Variants in GAB2 observed in about 807,000 individuals in gnomAD.
GAB2 encodes GRB2-associated-binding protein 2.
GAB2 carries 26 observed loss-of-function variants against 65.5 expected under a neutral mutation model. The observed-to-expected ratio is 0.40, with a 90% CI of 0.29 to 0.55. The LOEUF is 0.55. Ranked by LOEUF, GAB2 falls within the 20% of genes least tolerant of loss-of-function variation. The pLI, the probability that GAB2 is intolerant of heterozygous loss-of-function variation, is 0.53. For synonymous variants in GAB2, 321 were observed against 329.6 expected, an observed-to-expected ratio of 0.97 and a Z score of 0.28; for missense variants, 884 against 875.8, an observed-to-expected ratio of 1.01 and a Z score of -0.12.
At chr11:78,373,636 G>A (rs1486158878) in intron 1 of GAB2, among the ~76,000 whole-genome samples, 4 of 152,212 alleles carry the variant, frequency 2.6e-5, no homozygotes, top group Admixed American at 1.3e-4. Context: ...GAATGGGCCC[G>A]GGACAAGGAA....
At chr11:78,416,041 T>A (rs1857191609) in intron 1 of GAB2, among the ~76,000 whole-genome samples, 1 of 152,126 alleles carries the variant, frequency 6.6e-6, no homozygotes, top group Non-Finnish European at 1.5e-5. Flanking sequence ...ACAAAGTTTT[T>A]AAATTATTTA....
chr11:78,318,216 G>C (rs1855650619), intron 1 of GAB2: 1 of 151,688 alleles, frequency 6.6e-6, no homozygotes, highest in African/African-American at 2.4e-5. Context: ...GATCAGGAGT[G>C]AATCTGGTGG....
intron 1 of GAB2, among the ~76,000 whole-genome samples, chr11:78,303,045 A>T (rs1316543053): frequency 6.6e-6 from 1 of 152,156 alleles, no homozygotes; most frequent in African/African-American, 2.4e-5. Context: ...GGGACTCGGG[A>T]AAGGGTGAGA....
chr11:78,317,717 CT>C (rs1855639188), intron 1 of GAB2, among the ~76,000 whole-genome samples: 1 of 152,114 alleles, frequency 6.6e-6, no homozygotes, highest in African/African-American at 2.4e-5. Flanking sequence ...TCCTTTCCTC[CT>C]GATGCAATCT....
Position 78,283,916 on chromosome 11 carries a change from C to A in GAB2, c.76-3015G>T, listed in dbSNP as rs957022328. On this transcript the variant is annotated intron_variant, in intron 1 of 9. Transcript: ENST00000361507. ...TTTTTTCTACACCCACTCTCTAGGT[C>A]ATTTTATTCAGTTTCACAGCTTTAA... 6.4e-4 allele frequency among the ~76,000 whole-genome samples: 97 copies of A among 151,756 alleles called. 1 individual carries two copies. The highest frequency in any genetic ancestry group is 3.9e-4 in the East Asian group (2 of 5,174).
intron 1 of GAB2, among the ~76,000 whole-genome samples, chr11:78,332,545 G>A (rs1855932781): frequency 6.6e-6 from 1 of 152,128 alleles, no homozygotes; most frequent in South Asian, 2.1e-4. Flanking sequence ...TGAGAGAAAC[G>A]GATCAGTAGT....
chr11:78,405,155 G>A (rs1038960242), intron 1 of GAB2, among the ~76,000 whole-genome samples: 2 of 142,766 alleles, frequency 1.4e-5, no homozygotes, highest in Non-Finnish European at 3.0e-5. Flanking sequence ...CTGGAATGCA[G>A]TGGCGCAATC....
chr11:78,227,878 A>T lies in GAB2; in HGVS notation c.621-827T>A, dbSNP rs182154648. Reference sequence around the variant, plus strand: ...CTAGATTTATTTTCTACCATGATTTATGGTTGGTTAAGAGGCATTTTGAGG... The same window carrying T: ...CTAGATTTATTTTCTACCATGATTTTTGGTTGGTTAAGAGGCATTTTGAGG... On this transcript the variant is annotated intron_variant, in intron 3 of 9. Coordinates refer to ENST00000361507, the MANE Select transcript of GAB2 (RefSeq NM_080491.3). Among the ~76,000 whole-genome samples, 648 of 152,278 alleles carry T rather than the reference A, an allele frequency of 4.3e-3. 3 individuals are homozygous for T. Among genetic ancestry groups the T allele is most frequent in the African/African-American group, 0.015 (627 of 41,540 alleles).
At chr11:78,378,393 T>C (rs373336124) in intron 1 of GAB2, among the ~76,000 whole-genome samples, 27 of 152,246 alleles carry the variant, frequency 1.8e-4, no homozygotes, top group African/African-American at 6.3e-4. Flanking sequence ...TACCATTACA[T>C]TTCTATTTCT....
At chr11:78,398,021 T>TGCACACACACACACACACACACACAC (rs1856923260) in intron 1 of GAB2, among the ~76,000 whole-genome samples, 1 of 112,480 alleles carries the variant, frequency 8.9e-6, no homozygotes, top group African/African-American at 3.1e-5. Flanking sequence ...TGTGAATAGC[T>TGCACACACACACACACACACACACAC]ACACACACAC....
chr11:78,320,725 C>CTT (rs72241707), intron 1 of GAB2, among the ~76,000 whole-genome samples: 1 of 102,468 alleles, frequency 9.8e-6, no homozygotes, highest in South Asian at 3.1e-4. Flanking sequence ...TAATTTTTGC[C>CTT]TTTTTTTTTT....
intron 1 of GAB2, among the ~76,000 whole-genome samples, chr11:78,295,342 C>A (rs1015873122): frequency 6.6e-6 from 1 of 152,104 alleles, no homozygotes; most frequent in African/African-American, 2.4e-5. Flanking sequence ...ACCATATGTC[C>A]GAACCAGTTT....
At chr11:78,299,782 T>C (rs1288926693) in intron 1 of GAB2, among the ~76,000 whole-genome samples, 1 of 152,228 alleles carries the variant, frequency 6.6e-6, no homozygotes. Flanking sequence ...TCCAGCTGCT[T>C]GAAGTATTGC....
At chr11:78,293,432 G>A (rs1747865173) in intron 1 of GAB2, among the ~76,000 whole-genome samples, 1 of 152,046 alleles carries the variant, frequency 6.6e-6, no homozygotes, top group Non-Finnish European at 1.5e-5. Flanking sequence ...ATGTTTATTT[G>A]CTTCTGTTTT....
rs142502443 is a variant in GAB2 at position 78,398,418 on chromosome 11, G to A, written c.75+19228C>T. The stretch of plus-strand genomic sequence containing the variant: ...ACACAGGTGTGGTACATTCACTTAC[G>A]TGATATTTATAAGACTTATGTACAT... On this transcript the variant is annotated intron_variant, in intron 1 of 9. Transcript: ENST00000361507. Among the ~76,000 whole-genome samples, 486 of 152,250 alleles carry A rather than the reference G, an allele frequency of 3.2e-3. 5 individuals are homozygous for A. Among genetic ancestry groups the A allele is most frequent in the Non-Finnish European group, 2.4e-3 (162 of 68,022 alleles).
chr11:78,279,223 G>C (rs1200744065), intron 2 of GAB2, among the ~76,000 whole-genome samples: 1 of 152,124 alleles, frequency 6.6e-6, no homozygotes, highest in Non-Finnish European at 1.5e-5. Context: ...AGGAATGACT[G>C]GCTACATAAT....
In GAB2 at chr11:78,314,714, T is replaced by C. The variant is rs374128035; in HGVS notation, c.76-33813A>G. Among the ~76,000 whole-genome samples the C allele has an allele frequency of 6.6e-5, 10 of 152,340 alleles. No individual in the cohort carries two copies. The East Asian group carries it at 1.7e-3, about 26-fold the overall frequency. On this transcript the variant is annotated intron_variant, in intron 1 of 9. Transcript: ENST00000361507. ...CAGAGACCAGGTCACATGCTTACTT[T>C]AAATCCCGGAAGGTAAGACTATATT... is the stretch of plus-strand genomic sequence containing the variant.
Position 78,216,365 on chromosome 11 carries a change from G to A in GAB2, c.*2907C>T, listed in dbSNP as rs892991887. On this transcript the variant is annotated 3_prime_UTR_variant, in exon 10 of 10. Coordinates refer to ENST00000361507, the MANE Select transcript of GAB2 (RefSeq NM_080491.3). ...CCTCTCCAGGCCCCCAGGAGAGGTG[G>A]ACTTTGACCCATGGATAGGCCAAAG... is the stretch of plus-strand genomic sequence containing the variant. The A allele has an allele frequency of 5.3e-5, 8 of 152,172 alleles. No homozygotes were observed. Among genetic ancestry groups the A allele is most frequent in the African/African-American group, 1.9e-4 (8 of 41,436 alleles). The allele number at this position is 152,172 out of a possible 1,614,324, so 9.4% of individuals were successfully genotyped here.
intron 2 of GAB2, among the ~76,000 whole-genome samples, chr11:78,263,847 T>C (rs945332632): frequency 1.3e-5 from 2 of 152,008 alleles, no homozygotes; most frequent in Middle Eastern, 3.5e-3. Context: ...GTGATTTTCT[T>C]ACCAGTGACT....
Sources: gnomAD v4.1 joint callset for allele counts (sites outside exome capture counted in the v4.1 genomes callset) on GRCh38, gnomAD v4.1.1 for gene constraint, MANE v1.5 for transcripts, NCBI Gene and HGNC (gene_info 2026-07-23, HGNC 2026-07-21) for gene names.